SP4: variants seen among roughly 807,000 people sequenced by gnomAD.
The protein encoded by SP4 is transcription factor Sp4.
SP4 carries 19 observed loss-of-function variants against 72.8 expected under a neutral mutation model. The ratio of observed to expected loss-of-function variants is 0.26; its 90% CI spans 0.18 to 0.38. The LOEUF (loss-of-function observed/expected upper bound fraction) is 0.38. Ranked by LOEUF, SP4 falls within the 10% of genes least tolerant of loss-of-function variation. SP4 has a pLI of 1.00. For synonymous variants in SP4, 395 were observed against 333.1 expected (o/e 1.19, Z -2.02); for missense variants, 1,008 against 926.3 (o/e 1.09, Z -1.14).
Position 21,514,517 on chromosome 7 carries a change from G to A in SP4, c.*3248G>A, listed in dbSNP as rs1024214607. The A allele has an allele frequency of 9.1e-6, 1 of 110,254 alleles. No individual in the cohort carries two copies. The allele number at this position is 110,254 out of a possible 1,614,324, so 6.8% of individuals were successfully genotyped here. A position where few individuals can be genotyped will look rare whatever the true frequency, so the allele number is the denominator to read the frequency against. On this transcript the variant is annotated 3_prime_UTR_variant, in exon 6 of 6. Coordinates refer to ENST00000222584, the MANE Select transcript of SP4 (RefSeq NM_003112.5). ...AAAGTTTTGTAGTAACATTTCACTT[G>A]TAAATTTTTTTTGTAAAAAAAAAAA...
chr7:21,483,791 A>C (rs943791599), intron 5 of SP4, among the ~76,000 whole-genome samples: 5 of 149,164 alleles, frequency 3.4e-5, no homozygotes, highest in Admixed American at 2.7e-4. Context: ...TTCTTTCTTT[A>C]TTTTTTTTTC....
rs1033214586 is a variant in SP4 at position 21,481,683 on chromosome 7, G to A, written c.1908-241G>A. Among the ~76,000 whole-genome samples, 8 of 152,234 alleles carry A rather than the reference G, an allele frequency of 5.3e-5. 1 individual carries two copies. The highest frequency in any genetic ancestry group is 1.9e-4 in the East Asian group (1 of 5,176). ...GGAAGAGCCCACTATGACCAGGAAC[G>A]TGAGTCCATAATAGAGCATAAACTC... is the stretch of plus-strand genomic sequence containing the variant. On this transcript the variant is annotated intron_variant, in intron 4 of 5. Transcript: ENST00000222584.
intron 5 of SP4, among the ~76,000 whole-genome samples, chr7:21,493,848 T>C (rs2128414294): frequency 6.6e-6 from 1 of 152,280 alleles, no homozygotes; most frequent in African/African-American, 2.4e-5. Flanking sequence ...CACATTATCA[T>C]GATACCAAAG....
chr7:21,499,136 A>G (rs1205617036), intron 5 of SP4, among the ~76,000 whole-genome samples: 1 of 151,764 alleles, frequency 6.6e-6, no homozygotes, highest in Non-Finnish European at 1.5e-5. Context: ...GAATATATTT[A>G]CTATTCATTA....
chr7:21,504,361 G>T (rs1465726275), intron 5 of SP4, among the ~76,000 whole-genome samples: 1 of 152,100 alleles, frequency 6.6e-6, no homozygotes, highest in Non-Finnish European at 1.5e-5. Context: ...TATATATAGT[G>T]CCTTCTTTGG....
At chr7:21,496,497 C>T (rs1191925369) in intron 5 of SP4, among the ~76,000 whole-genome samples, 2 of 152,084 alleles carry the variant, frequency 1.3e-5, no homozygotes, top group Non-Finnish European at 2.9e-5. Context: ...AATAAGTAAA[C>T]TGAAGGCTCA....
At chr7:21,480,788 C>G (rs564170180) in intron 4 of SP4, among the ~76,000 whole-genome samples, 1 of 152,304 alleles carries the variant, frequency 6.6e-6, no homozygotes, top group Admixed American at 6.5e-5. Flanking sequence ...ATCTCTTAGT[C>G]TTCTCCCAAT....
At chr7:21,490,100 T>G (rs1381656401) in intron 5 of SP4, among the ~76,000 whole-genome samples, 2 of 152,268 alleles carry the variant, frequency 1.3e-5, no homozygotes, top group Non-Finnish European at 2.9e-5. Context: ...GTTTACTTAT[T>G]TGTTTTCTTA....
Position 21,445,033 on chromosome 7 carries a change from G to T in SP4, c.1678+14190G>T, listed in dbSNP as rs1168640836. Among the ~76,000 whole-genome samples the T allele has an allele frequency of 2.0e-5, 3 of 152,154 alleles. No individual in the cohort carries two copies. The East Asian group carries it at 5.8e-4, about 29-fold the overall frequency. ...AAAGTTTTTATTACTTTGATGGACT[G>T]TGTTGATTGGGAATTTGAGGCTAGT... On this transcript the variant is annotated intron_variant, in intron 3 of 5. Transcript: ENST00000222584.
At chr7:21,460,796 G>C (rs1199837298) in intron 3 of SP4, among the ~76,000 whole-genome samples, 1 of 150,822 alleles carries the variant, frequency 6.6e-6, no homozygotes, top group East Asian at 2.0e-4. Context: ...TACAAACCCT[G>C]AGCTAGACAC....
Position 21,441,091 on chromosome 7 carries a change from A to G in SP4, c.1678+10248A>G, listed in dbSNP as rs74661617. Among the ~76,000 whole-genome samples the G allele has an allele frequency of 7.3e-3, 1,108 of 152,350 alleles. 17 individuals are homozygous for G. Among genetic ancestry groups the G allele is most frequent in the African/African-American group, 0.026 (1,068 of 41,576 alleles). On this transcript the variant is annotated intron_variant, in intron 3 of 5. Transcript: ENST00000222584. Reference sequence around the variant, plus strand: ...ATACGTAAGTACTGGGTTTTGAGGCATGGAAAACAAGTGTGAGAGCTCAGA... The same window carrying G: ...ATACGTAAGTACTGGGTTTTGAGGCGTGGAAAACAAGTGTGAGAGCTCAGA...
intron 3 of SP4, among the ~76,000 whole-genome samples, chr7:21,438,572 A>T (rs1189325468): frequency 6.6e-6 from 1 of 152,008 alleles, no homozygotes; most frequent in Admixed American, 6.6e-5. Context: ...TATTTTAAAC[A>T]TATGCTTTAG....
At chr7:21,460,325 G>A (rs1054857669) in intron 3 of SP4, among the ~76,000 whole-genome samples, 4 of 152,134 alleles carry the variant, frequency 2.6e-5, no homozygotes, top group African/African-American at 9.7e-5. Context: ...GCTCAGGATT[G>A]AAGCTGCAGA....
In SP4 at chr7:21,430,065, A is replaced by C. The variant is rs1194490578; in HGVS notation, c.900A>C (p.Leu300Phe). Residue 300 changes from leucine to phenylalanine, a missense_variant, in exon 3 of 6, where the codon TTA becomes TTC. This residue lies in a region of SP4 where 893 missense variants were observed against 743.3 expected (regional missense o/e 1.20). Coordinates refer to ENST00000222584, the MANE Select transcript of SP4 (RefSeq NM_003112.5). ...GTGGGACTTCCAATGGGAATCAATTAGTTTCCACACCCACCAACACCACTA... is the reference window on the plus strand; with the variant it reads ...GTGGGACTTCCAATGGGAATCAATTCGTTTCCACACCCACCAACACCACTA... ...ADSGTSNGNQ[L>F]VSTPTNTTTS... is the part of the protein sequence containing the mutation. 7 of 1,614,058 alleles carry C rather than the reference A, an allele frequency of 4.3e-6. No homozygotes were observed. The highest frequency in any genetic ancestry group is 1.6e-4 in the Middle Eastern group (1 of 6,084).
At chr7:21,459,324 T>G (rs539572017) in intron 3 of SP4, among the ~76,000 whole-genome samples, 3 of 152,274 alleles carry the variant, frequency 2.0e-5, no homozygotes, top group African/African-American at 7.2e-5. Flanking sequence ...TTTCACTGTG[T>G]TAGCCAGGCT....
chr7:21,467,732 G>A (rs114244665), intron 3 of SP4, among the ~76,000 whole-genome samples: 1,921 of 152,270 alleles, frequency 0.013, 32 homozygotes, highest in African/African-American at 0.045. Flanking sequence ...TGTAAAGGAA[G>A]TCAATCTAGG....
chr7:21,483,347 T>C (rs1784737810), intron 5 of SP4, among the ~76,000 whole-genome samples: 1 of 151,970 alleles, frequency 6.6e-6, no homozygotes. Context: ...ATCTTTGTCA[T>C]ACCTTTTGTC....
rs1782766031 is a variant in SP4 at position 21,429,667 on chromosome 7, A to G, written c.502A>G (p.Ile168Val). 2 of 1,613,928 alleles carry G rather than the reference A, an allele frequency of 1.2e-6. No homozygotes were observed. The highest frequency in any genetic ancestry group is 1.3e-5 in the African/African-American group (1 of 74,916). Residue 168 changes from isoleucine to valine, a missense_variant, in exon 3 of 6, where the codon ATT becomes GTT. Around this residue, in one of 3 missense-constraint regions of SP4, gnomAD observed 893 missense variants for 743.3 expected, o/e 1.20. Coordinates refer to ENST00000222584, the MANE Select transcript of SP4 (RefSeq NM_003112.5). ...AAGTGGTAGTGTACAGTACCAAGTA[A>G]TTCCACAACTTCAGACAGTGGAAGG... ...NPSGSVQYQV[I>V]PQLQTVEGQQ...
chr7:21,438,024 G>A (rs1292395678), intron 3 of SP4, among the ~76,000 whole-genome samples: 1 of 148,080 alleles, frequency 6.8e-6, no homozygotes, highest in African/African-American at 2.5e-5. Flanking sequence ...TTTTTCTAAC[G>A]TAGTTCTATA....
Sources: gnomAD v4.1 joint callset for allele counts (sites outside exome capture counted in the v4.1 genomes callset) on GRCh38, gnomAD v4.1.1 for gene constraint, gnomAD v4.1.1 regional missense constraint, MANE v1.5 for transcripts, NCBI Gene and HGNC (gene_info 2026-07-23, HGNC 2026-07-21) for gene names.